Variants in LOC400499 observed in about 807,000 individuals in gnomAD.
the LOC400499 span, among the ~76,000 whole-genome samples, chr16:11,442,832 G>C: frequency 6.6e-6 from 1 of 152,176 alleles, no homozygotes; most frequent in African/African-American, 2.4e-5. Flanking sequence ...ACCATCGGGA[G>C]CCACTTCTGC....
the LOC400499 span, among the ~76,000 whole-genome samples, chr16:11,430,512 G>A: frequency 3.9e-5 from 6 of 152,034 alleles, no homozygotes; most frequent in South Asian, 2.1e-4. Flanking sequence ...CGAAAAAAAA[G>A]AATTATCATG....
the LOC400499 span, chr16:11,401,343 G>T: frequency 2.5e-6 from 1 of 399,448 alleles, no homozygotes; most frequent in Non-Finnish European, 4.4e-6. Flanking sequence ...TTGAATGGGT[G>T]AGCCAGGGCC....
At chr16:11,496,747 T>A in the LOC400499 span, among the ~76,000 whole-genome samples, 2 of 152,082 alleles carry the variant, frequency 1.3e-5, no homozygotes, top group African/African-American at 4.8e-5. Context: ...TGTGTCCAGG[T>A]GTGGGTGGCT....
chr16:11,475,222 G>A, the LOC400499 span, among the ~76,000 whole-genome samples: 170 of 152,222 alleles, frequency 1.1e-3, no homozygotes, highest in African/African-American at 3.9e-3. Context: ...TGCGGGGCTT[G>A]TAACCTAGAT....
chr16:11,402,786 G>A, the LOC400499 span, among the ~76,000 whole-genome samples: 14 of 152,160 alleles, frequency 9.2e-5, no homozygotes, highest in South Asian at 6.2e-4. Flanking sequence ...AAGGCGCCAC[G>A]CTTGCTTTAT....
At chr16:11,424,376 C>T in the LOC400499 span, 1 of 399,350 alleles carries the variant, frequency 2.5e-6, no homozygotes, top group Non-Finnish European at 4.4e-6. Context: ...CAGGAGTGGG[C>T]AGAGCCCCAG....
At chr16:11,431,927 G>T in the LOC400499 span, among the ~76,000 whole-genome samples, 1 of 152,188 alleles carries the variant, frequency 6.6e-6, no homozygotes, top group African/African-American at 2.4e-5. Flanking sequence ...GAACTTTCAA[G>T]ATTGGGCCCT....
the LOC400499 span, among the ~76,000 whole-genome samples, chr16:11,474,118 C>G: frequency 6.6e-6 from 1 of 152,210 alleles, no homozygotes; most frequent in Non-Finnish European, 1.5e-5. Context: ...CTCGGCCTCC[C>G]GAAGTGTGGG....
the LOC400499 span, among the ~76,000 whole-genome samples, chr16:11,375,975 G>T: frequency 6.6e-6 from 1 of 152,166 alleles, no homozygotes; most frequent in Non-Finnish European, 1.5e-5. Context: ...CTGACCTCAG[G>T]TGATCCACCT....
At chr16:11,410,778 C>T in the LOC400499 span, among the ~76,000 whole-genome samples, 1 of 152,262 alleles carries the variant, frequency 6.6e-6, no homozygotes, top group South Asian at 2.1e-4. Context: ...CCAGGAGCTC[C>T]GGATCTGGGC....
the LOC400499 span, among the ~76,000 whole-genome samples, chr16:11,501,334 T>A: frequency 2.0e-5 from 3 of 152,076 alleles, no homozygotes; most frequent in Non-Finnish European, 4.4e-5. Context: ...AAACCTCGAA[T>A]ACTCAGCACA....
chr16:11,490,107 G>A, the LOC400499 span, among the ~76,000 whole-genome samples: 1 of 152,148 alleles, frequency 6.6e-6, no homozygotes, highest in Non-Finnish European at 1.5e-5. Flanking sequence ...CAAAAAGCAA[G>A]CAGCAGGCTG....
chr16:11,425,319 T>C, the LOC400499 span: 39 of 399,258 alleles, frequency 9.8e-5, no homozygotes, highest in Admixed American at 3.1e-4. Flanking sequence ...CTGGCTGCTG[T>C]TCTGGGCAAG....
the LOC400499 span, among the ~76,000 whole-genome samples, chr16:11,517,926 T>C: frequency 6.6e-6 from 1 of 152,088 alleles, no homozygotes; most frequent in Non-Finnish European, 1.5e-5. Context: ...GGGGAACAGA[T>C]ATGTTACCAC....
the LOC400499 span, chr16:11,425,245 G>A: frequency 2.5e-6 from 1 of 399,014 alleles, no homozygotes; most frequent in Non-Finnish European, 4.4e-6. Flanking sequence ...ATGCTGGCCT[G>A]GGCCCTCAGG....
the LOC400499 span, among the ~76,000 whole-genome samples, chr16:11,480,122 C>T: frequency 2.0e-5 from 3 of 152,190 alleles, no homozygotes; most frequent in Admixed American, 1.3e-4. Flanking sequence ...CGCCACAGTC[C>T]CCACCACTCC....
chr16:11,449,147 C>A, the LOC400499 span: 3 of 1,363,448 alleles, frequency 2.2e-6, no homozygotes, highest in South Asian at 3.4e-5. Context: ...CCTTTGCACA[C>A]CCTATTTCCT....
the LOC400499 span, among the ~76,000 whole-genome samples, chr16:11,497,737 G>A: frequency 4.8e-4 from 73 of 152,248 alleles, 1 homozygote; most frequent in East Asian, 6.9e-3. Flanking sequence ...ATGGCTGCCC[G>A]GGGGATGAAC....
chr16:11,445,066 G>A, the LOC400499 span, among the ~76,000 whole-genome samples: 1 of 148,612 alleles, frequency 6.7e-6, no homozygotes, highest in Non-Finnish European at 1.5e-5. Context: ...TACAGCCTGG[G>A]TGACAGAGTG....
Sources: allele counts gnomAD v4.1 joint callset (sites outside exome capture counted in the v4.1 genomes callset), GRCh38; gene constraint gnomAD v4.1.1; transcripts MANE v1.5.